The following ASTN2 variants were observed in gnomAD, a reference collection of about 807,000 sequenced individuals.
ASTN2 encodes the protein astrotactin-2.
In ASTN2, 54 loss-of-function variants were observed where a neutral mutation model predicts 139.8. The observed-to-expected ratio is 0.39, with a 90% confidence interval of 0.31 to 0.48. The LOEUF (loss-of-function observed/expected upper bound fraction) is 0.48. Among genes scored for constraint, ASTN2 ranks in the 20% least tolerant of loss-of-function variants. The pLI is 0.95. For synonymous variants in ASTN2, 756 were observed against 719.5 expected, an observed-to-expected ratio of 1.05 and a Z score of -0.81; for missense variants, 1,565 against 1,725.1, an observed-to-expected ratio of 0.91 and a Z score of 1.64.
chr9:116,596,236 T>C (rs1488750650), intron 19 of ASTN2, among the ~76,000 whole-genome samples: 1 of 152,172 alleles, frequency 6.6e-6, no homozygotes, highest in Non-Finnish European at 1.5e-5. Context: ...ATAGGCAAAG[T>C]CAAAGAAGCT....
Position 117,274,261 on chromosome 9 carries a change from A to T in ASTN2, c.630+17065T>A, listed in dbSNP as rs907827576. ...GCTACTCAGGAGGCTGAGGCAGGAG[A>T]ATCGCCTGACTCTGGGAGGTAGAGG... On this transcript the variant is annotated intron_variant, in intron 2 of 22. Transcript: ENST00000313400. Among the ~76,000 whole-genome samples, 7 of 152,288 alleles carry T rather than the reference A, an allele frequency of 4.6e-5. No homozygotes were observed. The East Asian group carries it at 1.4e-3, about 29-fold the overall frequency.
intron 12 of ASTN2, among the ~76,000 whole-genome samples, chr9:116,814,874 T>G (rs1275466964): frequency 1.3e-5 from 2 of 152,236 alleles, no homozygotes; most frequent in Non-Finnish European, 2.9e-5. Context: ...AATGGATGGA[T>G]ATTACGTGTT....
At chr9:116,721,734 C>G (rs946683704) in intron 16 of ASTN2, among the ~76,000 whole-genome samples, 6 of 152,082 alleles carry the variant, frequency 3.9e-5, no homozygotes, top group Non-Finnish European at 8.8e-5. Flanking sequence ...TGTTCCAGTC[C>G]CCTACGGACT....
chr9:116,917,436 A>T (rs1239762201), intron 10 of ASTN2, among the ~76,000 whole-genome samples: 2 of 152,166 alleles, frequency 1.3e-5, no homozygotes, highest in African/African-American at 4.8e-5. Flanking sequence ...ATTACTATAG[A>T]TGACCCATCA....
intron 10 of ASTN2, among the ~76,000 whole-genome samples, chr9:116,948,394 G>T (rs954167915): frequency 6.6e-6 from 1 of 151,990 alleles, no homozygotes; most frequent in Non-Finnish European, 1.5e-5. Flanking sequence ...TGCTCAACTT[G>T]TACCAAATTT....
At chr9:116,812,674 G>C (rs972960947) in intron 12 of ASTN2, among the ~76,000 whole-genome samples, 1 of 152,180 alleles carries the variant, frequency 6.6e-6, no homozygotes, top group Admixed American at 6.5e-5. Flanking sequence ...TCCACTTTCA[G>C]ATGAGAAAAT....
At chr9:116,759,999 T>C (rs929677334) in intron 13 of ASTN2, among the ~76,000 whole-genome samples, 1 of 152,120 alleles carries the variant, frequency 6.6e-6, no homozygotes, top group African/African-American at 2.4e-5. Context: ...TCTTTATCAG[T>C]CAGAAAAGAT....
chr9:117,041,909 T>C (rs1564397854), intron 5 of ASTN2, among the ~76,000 whole-genome samples: 1 of 152,204 alleles, frequency 6.6e-6, no homozygotes, highest in East Asian at 1.9e-4. Flanking sequence ...ATGCTCTTGG[T>C]AGATAAACTA....
chr9:116,431,135 T>A (rs1847483562), intron 22 of ASTN2, among the ~76,000 whole-genome samples: 2 of 152,176 alleles, frequency 1.3e-5, no homozygotes, highest in Non-Finnish European at 2.9e-5. Context: ...GATGCCACTT[T>A]TCCGGGACTG....
intron 2 of ASTN2, among the ~76,000 whole-genome samples, chr9:117,261,571 T>C (rs1833823734): frequency 1.3e-5 from 2 of 152,148 alleles, no homozygotes; most frequent in South Asian, 4.1e-4. Context: ...CAAAAGAATG[T>C]TGAACTCCAA....
At chr9:116,623,679 G>A (rs778070174) in intron 17 of ASTN2, among the ~76,000 whole-genome samples, 19 of 152,146 alleles carry the variant, frequency 1.2e-4, no homozygotes, top group Middle Eastern at 3.2e-3. Context: ...ACAACTTCAC[G>A]ATGAAACTAC....
intron 10 of ASTN2, among the ~76,000 whole-genome samples, chr9:116,911,019 G>T (rs1026427336): frequency 6.6e-6 from 1 of 152,142 alleles, no homozygotes; most frequent in Non-Finnish European, 1.5e-5. Context: ...AAGTAGCAAT[G>T]GAAAGTCAGA....
At chr9:117,391,811 A>C (rs1830548414) in intron 1 of ASTN2, among the ~76,000 whole-genome samples, 1 of 152,168 alleles carries the variant, frequency 6.6e-6, no homozygotes, top group Non-Finnish European at 1.5e-5. Flanking sequence ...ATCAAAAGCA[A>C]GTTAGTTACT....
intron 13 of ASTN2, among the ~76,000 whole-genome samples, chr9:116,766,011 GCTA>G (rs1003935710): frequency 6.6e-6 from 1 of 152,060 alleles, no homozygotes; most frequent in Non-Finnish European, 1.5e-5. Context: ...TGAAAAGGGG[GCTA>G]CTATTACCTG....
At chr9:117,351,615 G>C (rs932450723) in intron 1 of ASTN2, among the ~76,000 whole-genome samples, 1 of 152,068 alleles carries the variant, frequency 6.6e-6, no homozygotes, top group African/African-American at 2.4e-5. Flanking sequence ...TATACAAAAT[G>C]AAAAGGCTTC....
intron 7 of ASTN2, among the ~76,000 whole-genome samples, chr9:116,994,581 G>A (rs1470175711): frequency 6.6e-6 from 1 of 152,232 alleles, no homozygotes; most frequent in East Asian, 1.9e-4. Context: ...CCAGCCAGAT[G>A]TGACTGCTGA....
intron 2 of ASTN2, among the ~76,000 whole-genome samples, chr9:117,254,731 A>G (rs527657732): frequency 6.6e-6 from 1 of 152,304 alleles, no homozygotes; most frequent in Non-Finnish European, 1.5e-5. Flanking sequence ...GATGTGAGTC[A>G]AGGTGTTCCA....
intron 17 of ASTN2, among the ~76,000 whole-genome samples, chr9:116,632,171 A>AGG (rs1856792302): frequency 3.2e-5 from 1 of 31,380 alleles, no homozygotes; most frequent in Non-Finnish European, 5.5e-5. Flanking sequence ...AGAGAGAGAG[A>AGG]GAGAGAGAGA....
At chr9:116,752,811 A>G (rs1252124117) in intron 13 of ASTN2, among the ~76,000 whole-genome samples, 5 of 152,240 alleles carry the variant, frequency 3.3e-5, no homozygotes, top group African/African-American at 1.2e-4. Context: ...TTAAATGACA[A>G]TGAAACACCA....
Sources: gnomAD v4.1 joint callset for allele counts (sites outside exome capture counted in the v4.1 genomes callset) on GRCh38, gnomAD v4.1.1 for gene constraint, MANE v1.5 for transcripts, NCBI Gene and HGNC (gene_info 2026-07-23, HGNC 2026-07-21) for gene names.